The following SLC44A5 variants were observed in gnomAD, a reference collection of about 807,000 sequenced individuals.
SLC44A5 encodes solute carrier family 44 member 5, also known as choline transporter-like protein 5.
In SLC44A5, 57 loss-of-function variants were observed where a neutral mutation model predicts 101.8. The ratio of observed to expected loss-of-function variants is 0.56; its 90% CI spans 0.45 to 0.70. SLC44A5 has a LOEUF of 0.70. Ranked by LOEUF, SLC44A5 falls within the 30% of genes least tolerant of loss-of-function variation. SLC44A5 has a pLI of 0.00. For missense variants in SLC44A5, 737 were observed against 853.1 expected, an observed-to-expected ratio of 0.86 and a Z score of 1.70; for synonymous variants, 281 against 290.9, an observed-to-expected ratio of 0.97 and a Z score of 0.35.
At chr1:75,424,083 G>C (rs1367048274) in intron 2 of SLC44A5, among the ~76,000 whole-genome samples, 1 of 152,164 alleles carries the variant, frequency 6.6e-6, no homozygotes, top group Non-Finnish European at 1.5e-5. Flanking sequence ...TTTTAATACA[G>C]TTCATTGCTT....
chr1:75,220,240 A>T (rs1217150002), intron 14 of SLC44A5, among the ~76,000 whole-genome samples: 4 of 152,216 alleles, frequency 2.6e-5, no homozygotes, highest in Middle Eastern at 3.4e-3. Context: ...TGTCACACTG[A>T]GGGAATTCCC....
chr1:75,220,819 C>T (rs910592826), intron 14 of SLC44A5, among the ~76,000 whole-genome samples: 3 of 152,130 alleles, frequency 2.0e-5, no homozygotes, highest in African/African-American at 4.8e-5. Flanking sequence ...TTGCTACCTT[C>T]CTCACCTCAC....
chr1:75,666,976 T>C, the SLC44A5 span, among the ~76,000 whole-genome samples: 2 of 152,170 alleles, frequency 1.3e-5, no homozygotes, highest in Non-Finnish European at 2.9e-5. Flanking sequence ...CCACAGCCAG[T>C]ATCATACTGA....
chr1:75,470,185 A>G (rs757352921), intron 2 of SLC44A5, among the ~76,000 whole-genome samples: 11 of 152,144 alleles, frequency 7.2e-5, no homozygotes, highest in Non-Finnish European at 1.3e-4. Flanking sequence ...CCTCAAGACA[A>G]TACTTTTTAA....
intron 16 of SLC44A5, among the ~76,000 whole-genome samples, chr1:75,219,041 C>T (rs1021253733): frequency 2.0e-5 from 3 of 152,048 alleles, no homozygotes; most frequent in African/African-American, 7.2e-5. Context: ...TATGGTAGGG[C>T]AGGCAAGCTC....
chr1:75,315,261 A>G (rs1341468807), intron 4 of SLC44A5, among the ~76,000 whole-genome samples: 1 of 152,198 alleles, frequency 6.6e-6, no homozygotes, highest in African/African-American at 2.4e-5. Flanking sequence ...CATTATTTAT[A>G]CATCTATATA....
At chr1:75,448,965 T>C (rs934012423) in intron 2 of SLC44A5, among the ~76,000 whole-genome samples, 2 of 152,154 alleles carry the variant, frequency 1.3e-5, no homozygotes, top group East Asian at 1.9e-4. Flanking sequence ...ACATTTGCCT[T>C]CTCTTTCTCA....
At chr1:75,266,020 C>T (rs1264493935) in intron 6 of SLC44A5, among the ~76,000 whole-genome samples, 2 of 152,160 alleles carry the variant, frequency 1.3e-5, no homozygotes, top group Admixed American at 6.6e-5. Flanking sequence ...ACTCCGTTTT[C>T]CTTTGAAGTC....
chr1:75,577,395 T>C (rs1673432596), intron 1 of SLC44A5, among the ~76,000 whole-genome samples: 1 of 152,252 alleles, frequency 6.6e-6, no homozygotes, highest in Non-Finnish European at 1.5e-5. Context: ...CTCCTGGCCA[T>C]GAGCATCTCT....
At chr1:75,477,303 G>GA (rs1207916020) in intron 2 of SLC44A5, among the ~76,000 whole-genome samples, 1 of 152,134 alleles carries the variant, frequency 6.6e-6, no homozygotes, top group Non-Finnish European at 1.5e-5. Context: ...AAAGACGGGG[G>GA]AAAAAACAGA....
chr1:75,478,504 C>A (rs1281357272), intron 2 of SLC44A5, among the ~76,000 whole-genome samples: 1 of 151,998 alleles, frequency 6.6e-6, no homozygotes, highest in Non-Finnish European at 1.5e-5. Flanking sequence ...ATTCAGGAAA[C>A]CCATCTCACA....
intron 3 of SLC44A5, among the ~76,000 whole-genome samples, chr1:75,376,129 C>A (rs531228302): frequency 3.3e-5 from 5 of 152,172 alleles, no homozygotes; most frequent in Admixed American, 6.5e-5. Context: ...CTTTTCCGAC[C>A]GGCTTAAAAA....
At chr1:75,257,615 G>T (rs1232866123) in intron 6 of SLC44A5, among the ~76,000 whole-genome samples, 1 of 152,104 alleles carries the variant, frequency 6.6e-6, no homozygotes. Flanking sequence ...CTAGCCATGG[G>T]TGAGCCCCTT....
At chr1:75,581,340 G>T (rs368813220) in intron 1 of SLC44A5, among the ~76,000 whole-genome samples, 1 of 152,148 alleles carries the variant, frequency 6.6e-6, no homozygotes, top group Admixed American at 6.6e-5. Flanking sequence ...ATTGTTCCTT[G>T]TGAGTCTTGG....
At chr1:75,591,967 G>T (rs1317038138) in intron 1 of SLC44A5, among the ~76,000 whole-genome samples, 1 of 152,058 alleles carries the variant, frequency 6.6e-6, no homozygotes, top group African/African-American at 2.4e-5. Flanking sequence ...TAAGATATGG[G>T]ACATGACAAG....
At chr1:75,235,357 G>A (rs1254007671) in intron 11 of SLC44A5, among the ~76,000 whole-genome samples, 1 of 151,908 alleles carries the variant, frequency 6.6e-6, no homozygotes, top group Non-Finnish European at 1.5e-5. Flanking sequence ...TTACTCTTAT[G>A]AGTGGTGCCT....
chr1:75,497,744 AT>A (rs1197365791), intron 2 of SLC44A5, among the ~76,000 whole-genome samples: 1 of 152,142 alleles, frequency 6.6e-6, no homozygotes, highest in Non-Finnish European at 1.5e-5. Flanking sequence ...AAAACAATAC[AT>A]TGTGTACCTT....
intron 2 of SLC44A5, among the ~76,000 whole-genome samples, chr1:75,475,958 G>T (rs964252263): frequency 2.0e-5 from 3 of 152,232 alleles, no homozygotes; most frequent in Non-Finnish European, 4.4e-5. Context: ...GCCGAGGTGG[G>T]CGGATCATGA....
At chr1:75,706,047 C>G in the SLC44A5 span, among the ~76,000 whole-genome samples, 3 of 152,142 alleles carry the variant, frequency 2.0e-5, no homozygotes, top group Non-Finnish European at 2.9e-5. Context: ...TCTTTTGTTC[C>G]TTCCTTGTAC....
Sources: allele counts gnomAD v4.1 joint callset (sites outside exome capture counted in the v4.1 genomes callset), GRCh38; gene constraint gnomAD v4.1.1; transcripts MANE v1.5; gene names NCBI Gene and HGNC (gene_info 2026-07-23, HGNC 2026-07-21).